Variants in ST8SIA4 observed in about 807,000 individuals in gnomAD.
The protein encoded by ST8SIA4 is CMP-N-acetylneuraminate-poly-alpha-2,8-sialyltransferase.
In ST8SIA4, 15 loss-of-function variants were observed where a neutral mutation model predicts 33.9. The observed-to-expected ratio is 0.44, with a 90% CI of 0.30 to 0.68. ST8SIA4 has a LOEUF of 0.68. Among genes scored for constraint, ST8SIA4 ranks in the 30% least tolerant of loss-of-function variants. The probability of loss-of-function intolerance (pLI) is 0.10; values close to 1 mark genes in which losing one functional copy is unlikely to be tolerated. For missense variants in ST8SIA4, 321 were observed against 428.0 expected (o/e 0.75, Z 2.21); for synonymous variants, 171 against 151.2 (o/e 1.13, Z -0.96).
At chr5:100,877,512 G>T (rs1752330443) in intron 3 of ST8SIA4, among the ~76,000 whole-genome samples, 1 of 152,200 alleles carries the variant, frequency 6.6e-6, no homozygotes, top group Non-Finnish European at 1.5e-5. Flanking sequence ...AAGAAAGAAA[G>T]TCTGGTATGA....
chr5:100,887,387 T>C (rs551964908), intron 2 of ST8SIA4, among the ~76,000 whole-genome samples: 3 of 152,156 alleles, frequency 2.0e-5, no homozygotes, highest in Non-Finnish European at 2.9e-5. Context: ...TAGAGCTCAG[T>C]TGGGTCATGC....
intron 3 of ST8SIA4, among the ~76,000 whole-genome samples, chr5:100,882,238 G>C (rs183168941): frequency 1.9e-4 from 29 of 152,316 alleles, no homozygotes; most frequent in African/African-American, 6.5e-4. Context: ...TGAGGAACTT[G>C]TTGGGAACTG....
At chr5:100,897,144 T>C (rs959771054) in intron 1 of ST8SIA4, among the ~76,000 whole-genome samples, 6 of 152,180 alleles carry the variant, frequency 3.9e-5, no homozygotes, top group African/African-American at 7.2e-5. Flanking sequence ...ACAGAGATTA[T>C]AGTAGAGAGA....
At chr5:100,837,840 T>G (rs747313219) in intron 4 of ST8SIA4, among the ~76,000 whole-genome samples, 5 of 152,010 alleles carry the variant, frequency 3.3e-5, no homozygotes, top group Non-Finnish European at 7.4e-5. Flanking sequence ...TGCCGAAAGA[T>G]GTATATTTGA....
At chr5:100,889,254 A>G (rs924396638) in intron 2 of ST8SIA4, among the ~76,000 whole-genome samples, 1 of 151,964 alleles carries the variant, frequency 6.6e-6, no homozygotes, top group African/African-American at 2.4e-5. Flanking sequence ...TGACACCTGT[A>G]CTTCAACAGA....
At chr5:100,812,833 T>C (rs1022735486) in intron 4 of ST8SIA4, among the ~76,000 whole-genome samples, 13 of 152,274 alleles carry the variant, frequency 8.5e-5, no homozygotes, top group African/African-American at 2.9e-4. Context: ...CCATCACTGC[T>C]GTCAAACATT....
At position 100,812,145 on chromosome 5, in the gene ST8SIA4, A is replaced by C. The variant is rs1554056890; in HGVS notation, c.798-16T>G. On this transcript the variant is annotated splice_polypyrimidine_tract_variant and intron_variant, in intron 4 of 4. Transcript: ENST00000231461. ...CAGCCAGTAACTGGAAAAACAAAAA[A>C]CAAAATCAAGAAGAGAAGAATTTAG... is the stretch of plus-strand genomic sequence containing the variant. 1 of 1,599,340 alleles carries C rather than the reference A, an allele frequency of 6.3e-7. No homozygotes were observed. The highest frequency in any genetic ancestry group is 2.2e-5 in the East Asian group (1 of 44,784).
chr5:100,818,869 C>T (rs1020598179), intron 4 of ST8SIA4, among the ~76,000 whole-genome samples: 1 of 152,124 alleles, frequency 6.6e-6, no homozygotes, highest in Non-Finnish European at 1.5e-5. Flanking sequence ...TGTTATCTGA[C>T]GTCTATCAGA....
At chr5:100,821,981 T>A (rs1283979535) in intron 4 of ST8SIA4, among the ~76,000 whole-genome samples, 2 of 152,202 alleles carry the variant, frequency 1.3e-5, no homozygotes, top group Non-Finnish European at 2.9e-5. Flanking sequence ...AAAACCTCCA[T>A]GAAGGATAAT....
chr5:100,885,232 A>T, intron 3 of ST8SIA4: 1 of 397,430 alleles, frequency 2.5e-6, no homozygotes, highest in Non-Finnish European at 3.4e-6. Flanking sequence ...TAATTAGTTT[A>T]ACAGTTCAAG....
At chr5:100,831,547 T>C (rs1213416742) in intron 4 of ST8SIA4, among the ~76,000 whole-genome samples, 2 of 152,194 alleles carry the variant, frequency 1.3e-5, no homozygotes, top group African/African-American at 4.8e-5. Context: ...CTTATGATGA[T>C]TCAATGATAA....
At chr5:100,887,087 T>G (rs1752553699) in intron 2 of ST8SIA4, among the ~76,000 whole-genome samples, 3 of 152,020 alleles carry the variant, frequency 2.0e-5, no homozygotes, top group African/African-American at 7.2e-5. Context: ...CTTCTCAAAC[T>G]TATATACATT....
chr5:100,884,407 A>G (rs952601957), intron 3 of ST8SIA4, among the ~76,000 whole-genome samples: 14 of 152,186 alleles, frequency 9.2e-5, no homozygotes, highest in African/African-American at 2.9e-4. Context: ...ATTTTAGAAT[A>G]AGAGAGGTGG....
chr5:100,889,118 T>G (rs2112476030), intron 2 of ST8SIA4, among the ~76,000 whole-genome samples: 1 of 152,020 alleles, frequency 6.6e-6, no homozygotes, highest in African/African-American at 2.4e-5. Context: ...ACTGGAAAAG[T>G]GTTTATGTCA....
rs1196042848 is a variant in ST8SIA4 at position 100,886,478 on chromosome 5, T to C, written c.368A>G (p.Asp123Gly). 6.2e-7 allele frequency: 1 copy of C among 1,613,908 alleles called. No individual in the cohort carries two copies. ...AACTTCAGGTAGGAGGCTATGTAGA[T>C]CATGAGAAATGTTTAGTGTCCGGCG... ...DRRRTLNISH[D>G]LHSLLPEVSP... is the part of the protein sequence containing the mutation. Residue 123 changes from aspartate to glycine, a missense_variant, in exon 3 of 5, where the codon GAT becomes GGT. By Grantham distance (94) the Asp-to-Gly change is moderately conservative. Coordinates refer to ENST00000231461, the MANE Select transcript of ST8SIA4 (RefSeq NM_005668.6).
intron 4 of ST8SIA4, among the ~76,000 whole-genome samples, chr5:100,819,098 C>T (rs982909724): frequency 3.1e-4 from 47 of 152,222 alleles, no homozygotes; most frequent in Middle Eastern, 3.4e-3. Flanking sequence ...TTCACATGAT[C>T]CTCATAAAAT....
intron 4 of ST8SIA4, among the ~76,000 whole-genome samples, chr5:100,812,592 T>C (rs139663207): frequency 4.6e-5 from 7 of 152,224 alleles, no homozygotes; most frequent in African/African-American, 1.7e-4. Context: ...AAATAAATGC[T>C]TTATCTATGT....
chr5:100,889,662 T>C (rs1409416590), intron 2 of ST8SIA4, among the ~76,000 whole-genome samples: 1 of 151,944 alleles, frequency 6.6e-6, no homozygotes. Context: ...AACCTCTTTA[T>C]TTTATTTACT....
chr5:100,895,847 G>C, intron 1 of ST8SIA4, 62 bp from the exon 2 acceptor site: 1 of 1,516,942 alleles, frequency 6.6e-7, no homozygotes, highest in Non-Finnish European at 8.9e-7. Flanking sequence ...ATACAGCACA[G>C]TACATAATTT....
Sources: allele counts gnomAD v4.1 joint callset (sites outside exome capture counted in the v4.1 genomes callset), GRCh38; gene constraint gnomAD v4.1.1; transcripts MANE v1.5; gene names NCBI Gene and HGNC (gene_info 2026-07-23, HGNC 2026-07-21).